GRIK4: variants seen among roughly 807,000 people sequenced by gnomAD.
The protein encoded by GRIK4 is glutamate receptor ionotropic, kainate 4.
Under a neutral mutation model 104.9 loss-of-function variants are expected in GRIK4, and 40 were observed. The ratio of observed to expected loss-of-function variants is 0.38; its 90% confidence interval spans 0.30 to 0.50. GRIK4 has a LOEUF of 0.50. Ranked by LOEUF, GRIK4 falls within the 20% of genes least tolerant of loss-of-function variation. The pLI, the probability that GRIK4 is intolerant of heterozygous loss-of-function variation, is 0.93. For synonymous variants in GRIK4, 485 were observed against 524.9 expected (o/e 0.92, Z 1.04); for missense variants, 1,047 against 1,308.1 (o/e 0.80, Z 3.08).
At chr11:120,653,621 A>G (rs1433443421) in intron 1 of GRIK4, 64 bp from the exon 2 acceptor site, 1 of 152,220 alleles carries the variant, frequency 6.6e-6, no homozygotes. Context: ...CTCACATGTA[A>G]ATACTTGCAG....
At position 120,939,763 on chromosome 11, in the gene GRIK4, C is replaced by T. The variant is rs113918324; in HGVS notation, c.1477-584C>T. On this transcript the variant is annotated intron_variant, in intron 13 of 20. Transcript: ENST00000527524. This position sits in a 1 kb window ranked among gnomAD's most constrained non-coding sequence, Gnocchi z 5.6. Reference sequence around the variant, plus strand: ...TTGGGAGGCCAGGGCGGGCAGATCACGGGGTCAGGAGTTTGAGACCAGCCT... The same window carrying T: ...TTGGGAGGCCAGGGCGGGCAGATCATGGGGTCAGGAGTTTGAGACCAGCCT... Among the ~76,000 whole-genome samples, 884 of 152,176 alleles carry T rather than the reference C, an allele frequency of 5.8e-3. 8 individuals carry two copies. Among genetic ancestry groups the T allele is most frequent in the African/African-American group, 0.02 (819 of 41,520 alleles).
chr11:120,777,879 A>G (rs1434569759), intron 3 of GRIK4, among the ~76,000 whole-genome samples: 1 of 151,268 alleles, frequency 6.6e-6, no homozygotes, highest in East Asian at 1.9e-4. Flanking sequence ...TAAGGTTGCA[A>G]TGAGTTGAGG....
rs980026419 is a variant in GRIK4, at chr11:120,940,883, T to A, written c.1590+423T>A. Among the ~76,000 whole-genome samples the A allele has an allele frequency of 6.6e-6, 1 of 152,260 alleles. No homozygotes were observed. Among genetic ancestry groups the A allele is most frequent in the African/African-American group, 2.4e-5 (1 of 41,478 alleles). On this transcript the variant is annotated intron_variant, in intron 14 of 20. Transcript: ENST00000527524. The surrounding 1 kb of genome is among the most constrained non-coding windows in gnomAD (Gnocchi z 4.3). Reference sequence around the variant, plus strand: ...GGAATGTAGATTCCTTCTCTCTCGATGATCTGTCCTGGAGAATAAATGGTA... The same window carrying A: ...GGAATGTAGATTCCTTCTCTCTCGAAGATCTGTCCTGGAGAATAAATGGTA...
chr11:120,834,263 G>GGTGTGTGTGTGTGTGTGTGT (rs141196181), intron 7 of GRIK4, among the ~76,000 whole-genome samples: 1 of 145,992 alleles, frequency 6.8e-6, no homozygotes, highest in Non-Finnish European at 1.5e-5. Flanking sequence ...ACACTTTATA[G>GGTGTGTGTGTGTGTGTGTGT]GTGTGTGTGT....
chr11:120,602,613 G>A (rs960659789), intron 1 of GRIK4, among the ~76,000 whole-genome samples: 2 of 152,230 alleles, frequency 1.3e-5, no homozygotes, highest in African/African-American at 4.8e-5. Flanking sequence ...AACTGGCTGA[G>A]CCCGAAGCCC....
chr11:120,760,370 T>TATATATATAAACATATATATAC (rs1565336781), intron 3 of GRIK4, among the ~76,000 whole-genome samples: 5 of 148,236 alleles, frequency 3.4e-5, no homozygotes, highest in Non-Finnish European at 5.9e-5. Context: ...GAATATTTTA[T>TATATATATAAACATATATATAC]ATATATATAA....
At chr11:120,834,550 G>A (rs1565381560) in intron 7 of GRIK4, among the ~76,000 whole-genome samples, 2 of 152,268 alleles carry the variant, frequency 1.3e-5, no homozygotes, top group African/African-American at 2.4e-5. Context: ...CTTCCCTGGG[G>A]CTCCGTACTC....
chr11:120,952,895 C>T lies in GRIK4; in HGVS notation c.1631C>T (p.Ser544Phe), dbSNP rs1369781261. ...TATTTCTCCTTCCTGGACCCATTTT[C>T]TCCGGGCGTCTGGCTCTTCATGCTT... is the stretch of plus-strand genomic sequence containing the variant. ...PGYFSFLDPF[S>F]PGVWLFMLLA... The change falls in exon 15 of 21, where the codon TCT becomes TTT. Residue 544 changes from serine to phenylalanine, a missense_variant. Coordinates refer to ENST00000527524, the MANE Select transcript of GRIK4 (RefSeq NM_014619.5). The surrounding 1 kb of genome is among the most constrained non-coding windows in gnomAD (Gnocchi z 5.2). 6.2e-7 allele frequency: 1 copy of T among 1,614,046 alleles called. No homozygotes were observed. The highest frequency in any genetic ancestry group is 1.1e-5 in the South Asian group (1 of 91,066).
chr11:120,664,961 G>A (rs115851239), intron 3 of GRIK4, among the ~76,000 whole-genome samples: 3,781 of 150,154 alleles, frequency 0.025, 168 homozygotes, highest in African/African-American at 0.089. Context: ...GCAAGAGCTT[G>A]GATTTATTTT....
At chr11:120,661,601 G>C (rs935286023) in intron 3 of GRIK4, among the ~76,000 whole-genome samples, 2 of 152,220 alleles carry the variant, frequency 1.3e-5, no homozygotes, top group Non-Finnish European at 2.9e-5. Context: ...TCGGTGTGCT[G>C]GTGATGGTCA....
intron 1 of GRIK4, among the ~76,000 whole-genome samples, chr11:120,596,900 T>G (rs1394560626): frequency 6.6e-6 from 1 of 152,086 alleles, no homozygotes; most frequent in Non-Finnish European, 1.5e-5. Context: ...AATTTTTGTA[T>G]TTTTAGTAGA....
At chr11:120,658,748 TTTTTTTTTTTTTTTTTTTG>T (rs1565277608) in intron 2 of GRIK4, among the ~76,000 whole-genome samples, 1 of 96,618 alleles carries the variant, frequency 1.0e-5, no homozygotes, top group Admixed American at 9.4e-5. Flanking sequence ...TTTTTTTTTT[TTTTTTTTTTTTTTTTTTTG>T]AGACGGAGTC....
At chr11:120,726,465 T>C (rs553649699) in intron 3 of GRIK4, among the ~76,000 whole-genome samples, 9 of 152,142 alleles carry the variant, frequency 5.9e-5, no homozygotes, top group Non-Finnish European at 1.2e-4. Context: ...TAAAAAGCAA[T>C]TGAATTAGAG....
At chr11:120,892,765 A>C (rs114091532) in intron 11 of GRIK4, among the ~76,000 whole-genome samples, 2,298 of 152,266 alleles carry the variant, frequency 0.015, 55 homozygotes, top group African/African-American at 0.051. Flanking sequence ...TCTCCTTTCC[A>C]AAGGACTATG....
chr11:120,975,203 G>A (rs7943490), intron 19 of GRIK4, among the ~76,000 whole-genome samples: 7,536 of 152,272 alleles, frequency 0.049, 239 homozygotes, highest in Middle Eastern at 0.1. Context: ...TGTCTGGCAC[G>A]GTGGGAATGG....
At chr11:120,884,850 G>A (rs950972742) in intron 11 of GRIK4, among the ~76,000 whole-genome samples, 5 of 152,260 alleles carry the variant, frequency 3.3e-5, no homozygotes, top group African/African-American at 4.8e-5. Flanking sequence ...GGGCAGAGCC[G>A]GGCCATGCTC....
At chr11:120,573,274 C>T (rs4298914) in intron 1 of GRIK4, among the ~76,000 whole-genome samples, 73,614 of 151,980 alleles carry the variant, frequency 0.48, 18,606 homozygotes, top group African/African-American at 0.63. Context: ...AGGATATAAA[C>T]CTTTAGTCAT....
chr11:120,762,247 A>G (rs934513364), intron 3 of GRIK4, among the ~76,000 whole-genome samples: 1 of 152,026 alleles, frequency 6.6e-6, no homozygotes, highest in Non-Finnish European at 1.5e-5. Context: ...CTGTTTGTCT[A>G]TTATTGGTGT....
At chr11:120,890,202 A>G (rs191090965) in intron 11 of GRIK4, among the ~76,000 whole-genome samples, 23 of 152,328 alleles carry the variant, frequency 1.5e-4, no homozygotes, top group South Asian at 1.5e-3. Context: ...TTGCTTATCA[A>G]CAACAACAAC....
Sources: gnomAD v4.1 joint callset for allele counts (sites outside exome capture counted in the v4.1 genomes callset) on GRCh38, gnomAD v4.1.1 for gene constraint, Gnocchi (gnomAD v3.1) non-coding constraint, MANE v1.5 for transcripts, NCBI Gene and HGNC (gene_info 2026-07-23, HGNC 2026-07-21) for gene names.